OLFM3: variants seen among roughly 807,000 people sequenced by gnomAD.
The protein encoded by OLFM3 is olfactomedin 3.
OLFM3 carries 20 observed loss-of-function variants against 48.6 expected under a neutral mutation model. That is an observed-to-expected ratio of 0.41 (90% confidence interval 0.29 to 0.60). The LOEUF is 0.60. Among genes scored for constraint, OLFM3 ranks in the 20% least tolerant of loss-of-function variants. The pLI, the probability that OLFM3 is intolerant of heterozygous loss-of-function variation, is 0.28. For missense variants in OLFM3, 437 were observed against 544.3 expected (o/e 0.80, Z 1.96); for synonymous variants, 222 against 198.1 (o/e 1.12, Z -1.01).
intron 1 of OLFM3, among the ~76,000 whole-genome samples, chr1:101,928,907 T>C (rs1659359514): frequency 6.6e-6 from 1 of 152,132 alleles, no homozygotes; most frequent in Non-Finnish European, 1.5e-5. Flanking sequence ...GATCTAAGGA[T>C]GTTTGATGCT....
intron 1 of OLFM3, among the ~76,000 whole-genome samples, chr1:101,892,349 G>C (rs779566274): frequency 3.3e-5 from 5 of 152,012 alleles, no homozygotes; most frequent in Non-Finnish European, 7.4e-5. Context: ...CAGACAGCCA[G>C]TCAAATTTAA....
intron 3 of OLFM3, among the ~76,000 whole-genome samples, chr1:101,828,518 T>A (rs939735935): frequency 1.3e-5 from 2 of 152,196 alleles, no homozygotes; most frequent in Non-Finnish European, 1.5e-5. Flanking sequence ...GTTTTCTTAT[T>A]AGTAGCCTGG....
At chr1:101,989,855 C>T (rs958640010) in intron 1 of OLFM3, among the ~76,000 whole-genome samples, 2 of 152,122 alleles carry the variant, frequency 1.3e-5, no homozygotes, top group African/African-American at 4.8e-5. Flanking sequence ...TCTCCATGAC[C>T]CTCTGCCTTG....
In OLFM3 at chr1:101,832,435, C is replaced by CT. The variant is rs1461926150; in HGVS notation, c.217-1609dup. 4.6e-5 allele frequency among the ~76,000 whole-genome samples: 7 copies of CT among 152,108 alleles called. 1 individual carries two copies. The highest frequency in any genetic ancestry group is 2.1e-4 in the South Asian group (1 of 4,824). On this transcript the variant is annotated intron_variant, in intron 2 of 5. Transcript: ENST00000370103. ...GTCTTGGCCTGCCTCAGTTCTTTGC[C>CT]TTTTTTTCACCCTTTTCTGTTCCCT...
intron 3 of OLFM3, among the ~76,000 whole-genome samples, chr1:101,825,719 G>A (rs1654830625): frequency 6.6e-6 from 1 of 151,988 alleles, no homozygotes; most frequent in South Asian, 2.1e-4. Flanking sequence ...CCATGTTATG[G>A]GGCACATACA....
chr1:101,854,439 C>T (rs898218378), intron 1 of OLFM3, among the ~76,000 whole-genome samples: 4 of 151,934 alleles, frequency 2.6e-5, no homozygotes, highest in Non-Finnish European at 4.4e-5. Context: ...TCTATAAGCC[C>T]GGGGGATCCT....
intron 1 of OLFM3, among the ~76,000 whole-genome samples, chr1:101,933,079 G>A (rs1394887692): frequency 1.3e-5 from 2 of 151,636 alleles, no homozygotes; most frequent in African/African-American, 2.4e-5. Context: ...GCGGGCACCT[G>A]TAGTCCCAGC....
rs1367781134 is a variant in OLFM3, at chr1:101,831,154, C to A, written c.217-327G>T. On this transcript the variant is annotated intron_variant, in intron 2 of 5. Coordinates refer to ENST00000370103, the MANE Select transcript of OLFM3 (RefSeq NM_058170.4). The stretch of plus-strand genomic sequence containing the variant: ...GCTTTGTAAGCTAATAACATCCCAA[C>A]CTGTTAAATGTCAAAATAAGTTGTT... 2.6e-5 allele frequency among the ~76,000 whole-genome samples: 4 copies of A among 152,270 alleles called. No homozygotes were observed. In the East Asian group the frequency reaches 7.7e-4, roughly 29 times the overall value.
intron 1 of OLFM3, among the ~76,000 whole-genome samples, chr1:101,971,046 A>C (rs1660790586): frequency 6.6e-6 from 1 of 152,232 alleles, no homozygotes; most frequent in South Asian, 2.1e-4. Context: ...GAGATAATGA[A>C]ACTGTTTTGA....
intron 1 of OLFM3, among the ~76,000 whole-genome samples, chr1:101,927,002 G>A (rs1659292595): frequency 6.6e-6 from 1 of 152,118 alleles, no homozygotes; most frequent in Admixed American, 6.6e-5. Flanking sequence ...ATGAATGAAT[G>A]ATGCAGCGCT....
At chr1:101,933,868 C>A (rs997635647) in intron 1 of OLFM3, among the ~76,000 whole-genome samples, 2 of 152,108 alleles carry the variant, frequency 1.3e-5, no homozygotes, top group Admixed American at 6.6e-5. Flanking sequence ...CCAAACTAAG[C>A]TTTATAAGCG....
intron 1 of OLFM3, among the ~76,000 whole-genome samples, chr1:101,892,488 T>C (rs1658040869): frequency 6.6e-6 from 1 of 152,042 alleles, no homozygotes; most frequent in South Asian, 2.1e-4. Context: ...TAAATCTTAG[T>C]AGAAAAATAT....
intron 1 of OLFM3, among the ~76,000 whole-genome samples, chr1:101,896,388 G>T (rs946565337): frequency 6.6e-6 from 1 of 151,590 alleles, no homozygotes; most frequent in East Asian, 1.9e-4. Flanking sequence ...AAGCTGATAC[G>T]TTCTAAGAGT....
chr1:101,842,737 C>A (rs1198463321), intron 1 of OLFM3, among the ~76,000 whole-genome samples: 1 of 152,298 alleles, frequency 6.6e-6, no homozygotes, highest in Admixed American at 6.5e-5. Flanking sequence ...GCTTTACAGG[C>A]AGCCCCCTCC....
intron 1 of OLFM3, among the ~76,000 whole-genome samples, chr1:101,972,558 C>T (rs1291673215): frequency 1.3e-5 from 2 of 152,048 alleles, no homozygotes; most frequent in South Asian, 2.1e-4. Context: ...CTTCAATTTT[C>T]GGATAAGAAC....
At chr1:101,808,668 C>T (rs370983470) in intron 4 of OLFM3, among the ~76,000 whole-genome samples, 17 of 151,904 alleles carry the variant, frequency 1.1e-4, no homozygotes, top group African/African-American at 2.9e-4. Context: ...CAGAAGAAAG[C>T]CTCCTACACA....
chr1:101,893,376 A>T (rs1210712497), intron 1 of OLFM3: 1 of 387,042 alleles, frequency 2.6e-6, no homozygotes. Flanking sequence ...ACCCAGGGCC[A>T]TGGGGAACAG....
intron 2 of OLFM3, among the ~76,000 whole-genome samples, chr1:101,833,472 T>G (rs1390064301): frequency 6.6e-6 from 1 of 152,176 alleles, no homozygotes; most frequent in Non-Finnish European, 1.5e-5. Context: ...ACGACATGAG[T>G]AAGGAAGGAG....
intron 1 of OLFM3, among the ~76,000 whole-genome samples, chr1:101,927,909 A>G (rs1659323736): frequency 6.6e-6 from 1 of 151,922 alleles, no homozygotes; most frequent in African/African-American, 2.4e-5. Flanking sequence ...ATTTTTGATA[A>G]AAACATAAAT....
Sources: allele counts gnomAD v4.1 joint callset (sites outside exome capture counted in the v4.1 genomes callset), GRCh38; gene constraint gnomAD v4.1.1; transcripts MANE v1.5; gene names NCBI Gene and HGNC (gene_info 2026-07-23, HGNC 2026-07-21).